PCDH11X: variants seen among roughly 807,000 people sequenced by gnomAD.
PCDH11X encodes the protein protocadherin-11 X-linked.
A neutral mutation model predicts 53.3 loss-of-function variants in PCDH11X; 18 were observed. The observed-to-expected ratio is 0.34, with a 90% CI of 0.23 to 0.50. The LOEUF (loss-of-function observed/expected upper bound fraction) is 0.50. PCDH11X is among the 20% of genes least tolerant of loss of function. The probability of loss-of-function intolerance (pLI) is 0.98; values close to 1 mark genes in which losing one functional copy is unlikely to be tolerated. For synonymous variants in PCDH11X, 279 were observed against 393.3 expected (o/e 0.71, Z 3.44); for missense variants, 570 against 1,032.4 (o/e 0.55, Z 6.14).
chrX:91,900,305 G>A (rs1366527775), intron 6 of PCDH11X, among the ~76,000 whole-genome samples: 1 of 110,447 alleles, frequency 9.1e-6, no homozygotes, highest in Non-Finnish European at 1.9e-5. Context: ...CGTGGTGGCA[G>A]CATTCCTCCC....
intron 6 of PCDH11X, among the ~76,000 whole-genome samples, chrX:92,055,523 T>A (rs1253161345): frequency 9.5e-6 from 1 of 105,467 alleles, no homozygotes; most frequent in African/African-American, 3.5e-5. Flanking sequence ...GACATGTGTT[T>A]GGGGCTTTAC....
In PCDH11X at chrX:92,144,278, G is replaced by T. The variant is rs757651678; in HGVS notation, c.3034-57097G>T. Among the ~76,000 whole-genome samples, 5 of 108,551 alleles carry T rather than the reference G, an allele frequency of 4.6e-5. No homozygotes were observed. In the South Asian group the frequency reaches 2.0e-3, roughly 44 times the overall value. The allele number at this position is 108,551 out of a possible 115,157, so 94.3% of individuals were successfully genotyped here. On this transcript the variant is annotated intron_variant, in intron 6 of 10. Transcript: ENST00000682573. ...GATTGGTTTTGAAATGTGAGGACAT[G>T]CGATTTGGAGGGGCCAGGGGCGAAA...
chrX:91,788,804 G>A lies in PCDH11X; in HGVS notation c.-379+9120G>A, dbSNP rs760182601. Among the ~76,000 whole-genome samples the A allele has an allele frequency of 2.7e-5, 3 of 111,943 alleles. No individual in the cohort carries two copies. The South Asian group carries it at 1.1e-3, about 41-fold the overall frequency. ...AAGAAAGAGAACTACCAGAGCGTTG[G>A]ATGATAGGGCCTGATTTTCTCTTCA... On this transcript the variant is annotated intron_variant, in intron 1 of 10. Transcript: ENST00000682573.
At chrX:92,429,535 G>A (rs1483678091) in intron 9 of PCDH11X, among the ~76,000 whole-genome samples, 1 of 106,519 alleles carries the variant, frequency 9.4e-6, no homozygotes. Flanking sequence ...GCTAGGACAG[G>A]TAGTGTTTTC....
At chrX:92,609,075 T>C (rs1204750877) in intron 10 of PCDH11X, among the ~76,000 whole-genome samples, 1 of 111,690 alleles carries the variant, frequency 9.0e-6, no homozygotes, top group Non-Finnish European at 1.9e-5. Context: ...TAAGAATCAA[T>C]ATGCTTCTTT....
intron 8 of PCDH11X, among the ~76,000 whole-genome samples, chrX:92,275,403 G>C (rs934639043): frequency 1.8e-5 from 2 of 110,304 alleles, no homozygotes; most frequent in Non-Finnish European, 3.8e-5. Context: ...ATTTGGACTT[G>C]ACTGAAGTAA....
intron 9 of PCDH11X, among the ~76,000 whole-genome samples, chrX:92,407,583 G>C (rs1460142328): frequency 2.7e-5 from 3 of 110,276 alleles, no homozygotes; most frequent in Admixed American, 9.7e-5. Context: ...TTCTTCTCTT[G>C]ATTAAACTAT....
chrX:91,861,155 A>ATGGT (rs1938646229), intron 5 of PCDH11X, among the ~76,000 whole-genome samples: 1 of 110,576 alleles, frequency 9.0e-6, no homozygotes, highest in Non-Finnish European at 1.9e-5. Flanking sequence ...CAATTTCATA[A>ATGGT]CTCATTATTG....
intron 8 of PCDH11X, among the ~76,000 whole-genome samples, chrX:92,287,711 G>A (rs2905655): frequency 3.9e-4 from 43 of 111,588 alleles, no homozygotes; most frequent in Non-Finnish European, 6.8e-4. Context: ...GGCTTCGCAC[G>A]CTAATAAATT....
At chrX:91,863,432 G>A (rs1938797640) in intron 5 of PCDH11X, among the ~76,000 whole-genome samples, 1 of 110,953 alleles carries the variant, frequency 9.0e-6, no homozygotes, top group Admixed American at 9.6e-5. Flanking sequence ...GCTCTTTTTT[G>A]TTTTCCATTG....
intron 9 of PCDH11X, among the ~76,000 whole-genome samples, chrX:92,399,192 C>CAAAAAAAAAAAAAAAAAAAAAAAAA (rs376361040): frequency 1.1e-5 from 1 of 91,586 alleles, no homozygotes; most frequent in African/African-American, 4.2e-5. Flanking sequence ...GACTCCGTGT[C>CAAAAAAAAAAAAAAAAAAAAAAAAA]AAAAAAAAAA....
chrX:91,958,548 G>A (rs765459799), intron 6 of PCDH11X, among the ~76,000 whole-genome samples: 7 of 110,735 alleles, frequency 6.3e-5, no homozygotes, highest in East Asian at 5.7e-4. Context: ...GTGGGGTTGC[G>A]CAATCACTCA....
intron 10 of PCDH11X, among the ~76,000 whole-genome samples, chrX:92,526,454 T>A: frequency 9.8e-6 from 1 of 101,716 alleles, no homozygotes; most frequent in Non-Finnish European, 2.0e-5. Context: ...AATAATACCA[T>A]CAGAAATGGG....
chrX:92,539,402 C>T (rs2074719304), intron 10 of PCDH11X, among the ~76,000 whole-genome samples: 2 of 111,617 alleles, frequency 1.8e-5, no homozygotes, highest in Admixed American at 9.5e-5. Flanking sequence ...CTTAAGTATG[C>T]CAATTGCATT....
chrX:92,610,534 T>C (rs2148816162), intron 10 of PCDH11X, among the ~76,000 whole-genome samples: 1 of 110,359 alleles, frequency 9.1e-6, no homozygotes, highest in African/African-American at 3.3e-5. Context: ...TTTTCTCCCA[T>C]TCTATAGGTT....
At chrX:91,791,523 T>C (rs1472406613) in intron 1 of PCDH11X, among the ~76,000 whole-genome samples, 2 of 108,726 alleles carry the variant, frequency 1.8e-5, no homozygotes, top group Admixed American at 2.0e-4. Context: ...CCCATGATCC[T>C]ATCACCTTCC....
intron 6 of PCDH11X, among the ~76,000 whole-genome samples, chrX:91,968,958 G>GA (rs759875638): frequency 9.0e-5 from 10 of 111,168 alleles, no homozygotes; most frequent in Admixed American, 7.7e-4. Flanking sequence ...TAGAAAGTCC[G>GA]AAATCTTACT....
At chrX:92,275,668 A>T (rs1039038767) in intron 8 of PCDH11X, among the ~76,000 whole-genome samples, 1 of 112,027 alleles carries the variant, frequency 8.9e-6, no homozygotes, top group Non-Finnish European at 1.9e-5. Context: ...ACAGATTCTG[A>T]ACTAACTTGT....
chrX:91,824,548 G>T (rs1343587395), intron 4 of PCDH11X, among the ~76,000 whole-genome samples: 1 of 108,392 alleles, frequency 9.2e-6, no homozygotes, highest in African/African-American at 3.5e-5. Context: ...GCACTTCTCT[G>T]TATTGGTTAT....
Sources: allele counts gnomAD v4.1 joint callset (sites outside exome capture counted in the v4.1 genomes callset), GRCh38; gene constraint gnomAD v4.1.1; transcripts MANE v1.5; gene names NCBI Gene and HGNC (gene_info 2026-07-23, HGNC 2026-07-21).